Variants in SOX5 observed in about 807,000 individuals in gnomAD.
SOX5 encodes SRY-box transcription factor 5, also known as transcription factor SOX-5.
In SOX5, 9 loss-of-function variants were observed where a neutral mutation model predicts 92.0. The ratio of observed to expected loss-of-function variants is 0.10; its 90% CI spans 0.06 to 0.17. SOX5 has a LOEUF of 0.17. Ranked by LOEUF, SOX5 falls within the 10% of genes least tolerant of loss-of-function variation. SOX5 has a pLI of 1.00. For missense variants in SOX5, 642 were observed against 944.5 expected, an observed-to-expected ratio of 0.68 and a Z score of 4.20; for synonymous variants, 344 against 336.3, an observed-to-expected ratio of 1.02 and a Z score of -0.25.
At chr12:24,001,646 C>T (rs557069036) in intron 4 of SOX5, among the ~76,000 whole-genome samples, 1 of 146,978 alleles carries the variant, frequency 6.8e-6, no homozygotes, top group Non-Finnish European at 1.5e-5. Flanking sequence ...AGTGAGACCC[C>T]ATCTCTACAA....
At chr12:23,864,471 A>G (rs1367943390) in intron 2 of SOX5, among the ~76,000 whole-genome samples, 1 of 152,192 alleles carries the variant, frequency 6.6e-6, no homozygotes, top group Non-Finnish European at 1.5e-5. Context: ...CTTGCACCAT[A>G]GTTAGCCAAG....
chr12:23,540,462 A>G (rs1383247119), intron 13 of SOX5, among the ~76,000 whole-genome samples: 2 of 151,750 alleles, frequency 1.3e-5, no homozygotes, highest in African/African-American at 4.8e-5. Flanking sequence ...AGTTTCAATC[A>G]AAAGTATTTG....
chr12:23,804,967 A>ATT (rs2095742251), intron 3 of SOX5, among the ~76,000 whole-genome samples: 1 of 7,500 alleles, frequency 1.3e-4, no homozygotes, highest in African/African-American at 3.2e-4. Context: ...ATATATATAT[A>ATT]TTCCTTTAAA....
intron 4 of SOX5, among the ~76,000 whole-genome samples, chr12:24,158,739 G>T (rs1952453200): frequency 6.6e-6 from 1 of 151,854 alleles, no homozygotes; most frequent in African/African-American, 2.4e-5. Flanking sequence ...GAAGGCCTAT[G>T]TGATTTTAGA....
intron 3 of SOX5, among the ~76,000 whole-genome samples, chr12:23,818,096 A>C (rs1406662809): frequency 6.6e-6 from 1 of 152,210 alleles, no homozygotes; most frequent in African/African-American, 2.4e-5. Context: ...ATAGGACAGA[A>C]GTGGGAGTTC....
intron 3 of SOX5, among the ~76,000 whole-genome samples, chr12:23,758,439 GATA>G (rs1310080286): frequency 2.0e-5 from 3 of 150,078 alleles, no homozygotes; most frequent in African/African-American, 7.4e-5. Context: ...ACAACAAAAT[GATA>G]ATAATAGCTA....
At chr12:23,756,244 A>G (rs1049737791) in intron 3 of SOX5, among the ~76,000 whole-genome samples, 1 of 151,306 alleles carries the variant, frequency 6.6e-6, no homozygotes, top group Non-Finnish European at 1.5e-5. Flanking sequence ...ATAAAAAAAA[A>G]CAAAAAAAAA....
chr12:24,180,226 A>G (rs1028649832), intron 4 of SOX5, among the ~76,000 whole-genome samples: 1 of 152,132 alleles, frequency 6.6e-6, no homozygotes, highest in Non-Finnish European at 1.5e-5. Context: ...GGCTTCCCAA[A>G]GGAATAAGCT....
At chr12:23,971,203 A>C (rs931735748) in intron 4 of SOX5, among the ~76,000 whole-genome samples, 2 of 139,618 alleles carry the variant, frequency 1.4e-5, no homozygotes, top group African/African-American at 5.5e-5. Context: ...GCTCACTGCA[A>C]GCTCCGCCTC....
chr12:23,958,132 A>G (rs1199809544), intron 4 of SOX5, among the ~76,000 whole-genome samples: 1 of 149,842 alleles, frequency 6.7e-6, no homozygotes, highest in African/African-American at 2.5e-5. Context: ...ATAAAAACAT[A>G]TATCTAAGGT....
In SOX5 at chr12:23,585,809, G is replaced by A. The variant is rs1200608023; in HGVS notation, c.1165-9971C>T. ...TAGGTAAATGCCGGCAGCTATGTCA[G>A]AAGCCAGGTACATTCAACATGGAGG... On this transcript the variant is annotated intron_variant, in intron 9 of 14. Coordinates refer to ENST00000451604, the MANE Select transcript of SOX5 (RefSeq NM_006940.6). Among the ~76,000 whole-genome samples the A allele has an allele frequency of 2.6e-5, 4 of 152,146 alleles. No individual in the cohort carries two copies. In the South Asian group the frequency reaches 8.3e-4, roughly 32 times the overall value.
chr12:24,451,548 G>A (rs541232346), intron 1 of SOX5, among the ~76,000 whole-genome samples: 81 of 152,242 alleles, frequency 5.3e-4, no homozygotes, highest in African/African-American at 1.8e-3. Context: ...TCTGATCAAC[G>A]ATGTTGAACA....
chr12:23,842,969 C>G, intron 3 of SOX5, among the ~76,000 whole-genome samples: 1 of 152,044 alleles, frequency 6.6e-6, no homozygotes, highest in Admixed American at 6.6e-5. Context: ...ACTACTTGAG[C>G]CAATGATCAA....
chr12:23,961,528 C>A (rs764259034), intron 4 of SOX5, among the ~76,000 whole-genome samples: 3 of 152,056 alleles, frequency 2.0e-5, no homozygotes, highest in African/African-American at 7.3e-5. Context: ...TATCTTCCCC[C>A]CTTCCCTTCT....
At chr12:23,875,087 A>T (rs1031965957) in intron 2 of SOX5, among the ~76,000 whole-genome samples, 1 of 152,178 alleles carries the variant, frequency 6.6e-6, no homozygotes, top group Non-Finnish European at 1.5e-5. Flanking sequence ...TTCTCTGTGC[A>T]TCTTAAGACT....
At chr12:24,432,149 T>C (rs1010521085) in intron 1 of SOX5, among the ~76,000 whole-genome samples, 1 of 152,190 alleles carries the variant, frequency 6.6e-6, no homozygotes, top group African/African-American at 2.4e-5. Context: ...CTAAATGTCC[T>C]TGGTGTATTC....
At chr12:24,479,384 T>C (rs1040201325) in intron 1 of SOX5, among the ~76,000 whole-genome samples, 1 of 152,204 alleles carries the variant, frequency 6.6e-6, no homozygotes, top group African/African-American at 2.4e-5. Context: ...ACCTATTAAG[T>C]GCTTACCTCG....
chr12:23,985,711 C>T (rs1489174288), intron 4 of SOX5, among the ~76,000 whole-genome samples: 1 of 151,014 alleles, frequency 6.6e-6, no homozygotes, highest in African/African-American at 2.4e-5. Context: ...TATGAGTTTG[C>T]TATTGCTGGT....
chr12:24,300,020 G>A (rs946420491), intron 2 of SOX5, among the ~76,000 whole-genome samples: 4 of 152,096 alleles, frequency 2.6e-5, no homozygotes, highest in African/African-American at 7.2e-5. Context: ...CTTTTCCTTA[G>A]GAACTTCAAC....
Sources: allele counts gnomAD v4.1 joint callset (sites outside exome capture counted in the v4.1 genomes callset), GRCh38; gene constraint gnomAD v4.1.1; transcripts MANE v1.5; gene names NCBI Gene and HGNC (gene_info 2026-07-23, HGNC 2026-07-21).